The following FAM171A1 variants were observed in gnomAD, a reference collection of about 807,000 sequenced individuals.
The protein encoded by FAM171A1 is family with sequence similarity 171 member A1.
A neutral mutation model predicts 74.9 loss-of-function variants in FAM171A1; 23 were observed. The observed-to-expected ratio is 0.31, with a 90% CI of 0.22 to 0.44. The LOEUF is 0.44. FAM171A1 is among the 20% of genes least tolerant of loss of function. The pLI, the probability that FAM171A1 is intolerant of heterozygous loss-of-function variation, is 1.00. For synonymous variants in FAM171A1, 527 were observed against 505.7 expected (o/e 1.04, Z -0.57); for missense variants, 1,162 against 1,159.2 (o/e 1.00, Z -0.03).
Position 15,267,389 on chromosome 10 carries a change from G to A in FAM171A1, c.418+8466C>T, listed in dbSNP as rs556801645. Among the ~76,000 whole-genome samples the A allele has an allele frequency of 3.3e-5, 5 of 152,122 alleles. No homozygotes were observed. The South Asian group carries it at 6.2e-4, about 19-fold the overall frequency. On this transcript the variant is annotated intron_variant, in intron 3 of 7. Transcript: ENST00000378116. ...GGAAGCTGAGGGGGGCAGATCACGA[G>A]GTCAGTAGATTGAGGCCATCCTGGC...
At chr10:15,239,979 A>C (rs1834343496) in intron 5 of FAM171A1, among the ~76,000 whole-genome samples, 1 of 152,246 alleles carries the variant, frequency 6.6e-6, no homozygotes, top group Non-Finnish European at 1.5e-5. Context: ...ATGGACCTTA[A>C]AAAGTTTTGG....
chr10:15,226,224 G>A (rs558501748), intron 5 of FAM171A1, among the ~76,000 whole-genome samples: 9 of 152,304 alleles, frequency 5.9e-5, no homozygotes, highest in South Asian at 2.1e-4. Context: ...TCGTGCAGCC[G>A]GCATTTTAGG....
At position 15,214,232 on chromosome 10, in the gene FAM171A1, C is replaced by T. The variant is rs767191438; in HGVS notation, c.1356G>A (p.Thr452=). The T allele has an allele frequency of 8.7e-6, 14 of 1,614,050 alleles. No individual in the cohort carries two copies. The highest frequency in any genetic ancestry group is 4.4e-5 in the South Asian group (4 of 91,090). Residue 452 remains threonine, a synonymous_variant, in exon 8 of 8, where the codon ACG becomes ACA. Transcript: ENST00000378116. ...CTGACTTATGGTAGTCTTTCCCCAGCGTCCCACTTGGAGTGAGGTTATCAA... is the reference window on the plus strand; with the variant it reads ...CTGACTTATGGTAGTCTTTCCCCAGTGTCCCACTTGGAGTGAGGTTATCAA... ...ISFDNLTPSG[T]LGKDYHKSVE... is the part of the protein sequence containing the mutation.
chr10:15,315,275 G>A (rs1019343306), intron 1 of FAM171A1, among the ~76,000 whole-genome samples: 1 of 152,126 alleles, frequency 6.6e-6, no homozygotes, highest in Non-Finnish European at 1.5e-5. Context: ...TGGCTGTGAT[G>A]GGCGCAAGCT....
chr10:15,336,455 A>G (rs1035594272), intron 1 of FAM171A1, among the ~76,000 whole-genome samples: 2 of 152,168 alleles, frequency 1.3e-5, no homozygotes, highest in East Asian at 3.8e-4. Context: ...GGTGTTTGTA[A>G]GAGCACAAAA....
intron 1 of FAM171A1, among the ~76,000 whole-genome samples, chr10:15,290,546 T>A (rs1835090613): frequency 6.6e-6 from 1 of 152,154 alleles, no homozygotes; most frequent in South Asian, 2.1e-4. Context: ...TTGGGCCAAC[T>A]GTGGGGGTGT....
chr10:15,251,940 G>C lies in FAM171A1; in HGVS notation c.577+2781C>G, dbSNP rs535910358. ...AACACCACTGGCCCAAGCGAGGAGA[G>C]GAGCTGTATCACCTTGGGCCATCTA... is the stretch of plus-strand genomic sequence containing the variant. On this transcript the variant is annotated intron_variant, in intron 4 of 7. Coordinates refer to ENST00000378116, the MANE Select transcript of FAM171A1 (RefSeq NM_001010924.2). Among the ~76,000 whole-genome samples the C allele has an allele frequency of 1.1e-3, 172 of 152,246 alleles. No individual in the cohort carries two copies. The Middle Eastern group carries it at 0.017, about 15-fold the overall frequency.
chr10:15,244,399 C>T (rs1234137235), intron 5 of FAM171A1, among the ~76,000 whole-genome samples: 1 of 152,024 alleles, frequency 6.6e-6, no homozygotes, highest in East Asian at 1.9e-4. Flanking sequence ...CACCCTTGTA[C>T]TCCCAGTTCT....
chr10:15,338,200 G>A (rs2131867173), intron 1 of FAM171A1, among the ~76,000 whole-genome samples: 1 of 152,168 alleles, frequency 6.6e-6, no homozygotes, highest in South Asian at 2.1e-4. Flanking sequence ...TTTAGTACAG[G>A]GGAAATTTAA....
intron 1 of FAM171A1, among the ~76,000 whole-genome samples, chr10:15,316,073 T>G (rs761736570): frequency 3.3e-5 from 5 of 152,224 alleles, no homozygotes; most frequent in Non-Finnish European, 7.3e-5. Flanking sequence ...CATAATTATT[T>G]TCCTTCGTCA....
rs371703810 is a variant in FAM171A1 at position 15,323,039 on chromosome 10, C to G, written c.98-38934G>C. ...CCTATAATCCCAGCTACTAGGGAGG[C>G]TGAGGCATGAGAATTGCTTGAATTT... On this transcript the variant is annotated intron_variant, in intron 1 of 7. Transcript: ENST00000378116. Among the ~76,000 whole-genome samples the G allele has an allele frequency of 8.6e-5, 13 of 150,832 alleles. 1 individual carries two copies. Among genetic ancestry groups the G allele is most frequent in the African/African-American group, 2.9e-4 (12 of 40,902 alleles).
chr10:15,314,470 G>A (rs1194119049), intron 1 of FAM171A1, among the ~76,000 whole-genome samples: 1 of 152,148 alleles, frequency 6.6e-6, no homozygotes, highest in Non-Finnish European at 1.5e-5. Flanking sequence ...CAAGTCCATT[G>A]TATAAGGAAC....
At chr10:15,226,027 G>T (rs1027804809) in intron 5 of FAM171A1, among the ~76,000 whole-genome samples, 1 of 152,142 alleles carries the variant, frequency 6.6e-6, no homozygotes, top group Non-Finnish European at 1.5e-5. Context: ...GCCTCTTCCA[G>T]GGGCTTACCA....
At chr10:15,319,180 G>A (rs1301361995) in intron 1 of FAM171A1, among the ~76,000 whole-genome samples, 1 of 152,216 alleles carries the variant, frequency 6.6e-6, no homozygotes. Context: ...CTGTGGAGGT[G>A]ACGGTCTTTC....
At chr10:15,221,970 G>T (rs1834044191) in intron 5 of FAM171A1, among the ~76,000 whole-genome samples, 4 of 152,186 alleles carry the variant, frequency 2.6e-5, no homozygotes, top group Admixed American at 2.6e-4. Flanking sequence ...CTTGCCCAAG[G>T]TTGTTGGGCT....
chr10:15,256,591 T>C (rs1170489917), intron 3 of FAM171A1, among the ~76,000 whole-genome samples: 2 of 152,320 alleles, frequency 1.3e-5, no homozygotes, highest in East Asian at 3.9e-4. Flanking sequence ...CTCCAGACCA[T>C]CGATTCCCCT....
At chr10:15,277,747 A>T (rs1834912228) in intron 2 of FAM171A1, among the ~76,000 whole-genome samples, 1 of 152,016 alleles carries the variant, frequency 6.6e-6, no homozygotes, top group African/African-American at 2.4e-5. Flanking sequence ...AAGATCAGTC[A>T]CTTCACAGTG....
At chr10:15,356,237 C>A (rs1381880687) in intron 1 of FAM171A1, among the ~76,000 whole-genome samples, 1 of 149,924 alleles carries the variant, frequency 6.7e-6, no homozygotes, top group Non-Finnish European at 1.5e-5. Flanking sequence ...TATATAAATA[C>A]ATACATACAT....
At chr10:15,232,520 G>A (rs767008754) in intron 5 of FAM171A1, among the ~76,000 whole-genome samples, 7 of 152,160 alleles carry the variant, frequency 4.6e-5, no homozygotes, top group South Asian at 2.1e-4. Flanking sequence ...TTTGCTGACC[G>A]AACGAACTGT....
Sources: gnomAD v4.1 joint callset for allele counts (sites outside exome capture counted in the v4.1 genomes callset) on GRCh38, gnomAD v4.1.1 for gene constraint, MANE v1.5 for transcripts, NCBI Gene and HGNC (gene_info 2026-07-23, HGNC 2026-07-21) for gene names.